PUM1: variants seen among roughly 807,000 people sequenced by gnomAD.
The protein encoded by PUM1 is pumilio RNA binding family member 1.
In PUM1, 13 loss-of-function variants were observed where a neutral mutation model predicts 131.8. That is an observed-to-expected ratio of 0.10 (90% CI 0.06 to 0.16). The LOEUF is 0.16. PUM1 is among the 10% of genes least tolerant of loss of function. The pLI is 1.00. For missense variants in PUM1, 961 were observed against 1,512.4 expected, an observed-to-expected ratio of 0.64 and a Z score of 6.05; for synonymous variants, 509 against 556.5, an observed-to-expected ratio of 0.91 and a Z score of 1.20.
chr1:31,039,966 G>A (rs577333187), intron 2 of PUM1, among the ~76,000 whole-genome samples: 6 of 152,210 alleles, frequency 3.9e-5, no homozygotes, highest in South Asian at 2.1e-4. Context: ...ATCCCTGGGC[G>A]ACAAGAGCGA....
intron 5 of PUM1, among the ~76,000 whole-genome samples, chr1:31,005,262 G>A (rs1429416876): frequency 6.6e-6 from 1 of 152,126 alleles, no homozygotes; most frequent in African/African-American, 2.4e-5. Context: ...GCATCAGAGA[G>A]GTCAGTGATA....
chr1:31,041,833 C>T (rs958834465), intron 2 of PUM1, among the ~76,000 whole-genome samples: 2 of 151,874 alleles, frequency 1.3e-5, no homozygotes, highest in African/African-American at 2.4e-5. Flanking sequence ...TCCTATATTC[C>T]TTTATAGCAA....
intron 5 of PUM1, among the ~76,000 whole-genome samples, chr1:30,998,458 G>A (rs1235652347): frequency 6.6e-6 from 1 of 150,396 alleles, no homozygotes; most frequent in Admixed American, 6.6e-5. Context: ...GCAACACAGA[G>A]GAGACGCCAT....
chr1:30,968,065 T>G, intron 11 of PUM1: 1 of 499,736 alleles, frequency 2.0e-6, no homozygotes, highest in Non-Finnish European at 3.9e-6. Context: ...GGCCACTCCA[T>G]CTATCCCTGA....
chr1:30,992,248 A>G, intron 7 of PUM1, 142 bp downstream of exon 7: 2 of 1,112,756 alleles, frequency 1.8e-6, no homozygotes, highest in South Asian at 1.6e-5. Flanking sequence ...CTGTAAACCT[A>G]CATCACTAAC....
intron 2 of PUM1, among the ~76,000 whole-genome samples, chr1:31,034,794 C>G (rs1447061732): frequency 2.0e-5 from 3 of 152,074 alleles, no homozygotes; most frequent in Non-Finnish European, 4.4e-5. Context: ...TACTTTTGTT[C>G]TCAAGGATTT....
At chr1:30,958,686 T>C (rs1219648480) in intron 14 of PUM1, among the ~76,000 whole-genome samples, 1 of 152,140 alleles carries the variant, frequency 6.6e-6, no homozygotes, top group Non-Finnish European at 1.5e-5. Flanking sequence ...AGATGGGAAG[T>C]AGAATTTACT....
At chr1:31,036,836 TG>T (rs1643627888) in intron 2 of PUM1, 1 of 153,442 alleles carries the variant, frequency 6.5e-6, no homozygotes, top group Non-Finnish European at 1.5e-5. Context: ...TTAATGTGGG[TG>T]GTTCAGCACA....
chr1:30,984,582 G>A (rs917456565), intron 7 of PUM1, among the ~76,000 whole-genome samples: 2 of 152,188 alleles, frequency 1.3e-5, no homozygotes, highest in African/African-American at 4.8e-5. Context: ...GAATGCTGGG[G>A]AAAATGTATC....
At chr1:30,997,617 T>C (rs1343741995) in intron 5 of PUM1, among the ~76,000 whole-genome samples, 2 of 151,974 alleles carry the variant, frequency 1.3e-5, no homozygotes, top group African/African-American at 2.4e-5. Context: ...TGCTCTGCAT[T>C]ATCTTTCCTC....
Position 31,054,093 on chromosome 1 carries a change from C to CCA in PUM1, c.363+5110_363+5111insTG, listed in dbSNP as rs1553153860. On this transcript the variant is annotated intron_variant, in intron 2 of 21. Transcript: ENST00000426105. ...TGGACTACAGAGCAAGACTTTATTT[C>CCA]AAAAAAAAAAAAAAAAAAAAAAAAA... Among the ~76,000 whole-genome samples the CCA allele has an allele frequency of 3.1e-3, 172 of 54,886 alleles. 4 individuals are homozygous for CCA. In the East Asian group the frequency reaches 0.04, roughly 13 times the overall value. 36.0% of individuals were successfully genotyped at this position (54,886 alleles called of 152,430 possible).
chr1:30,984,120 T>G (rs1641459596), intron 7 of PUM1, among the ~76,000 whole-genome samples: 1 of 152,218 alleles, frequency 6.6e-6, no homozygotes, highest in South Asian at 2.1e-4. Context: ...CCATATAGCC[T>G]ATGTTTGAGA....
At chr1:31,021,876 A>C (rs1345769285) in intron 3 of PUM1, among the ~76,000 whole-genome samples, 1 of 151,144 alleles carries the variant, frequency 6.6e-6, no homozygotes, top group Non-Finnish European at 1.5e-5. Context: ...TCAGGATTTG[A>C]GTTATAAGAG....
intron 3 of PUM1, among the ~76,000 whole-genome samples, chr1:31,025,173 G>A (rs950730599): frequency 7.2e-5 from 11 of 152,142 alleles, no homozygotes; most frequent in Non-Finnish European, 7.3e-5. Context: ...ACAGCTTGGA[G>A]AGTGATATTT....
At chr1:31,034,928 C>T (rs1171308061) in intron 2 of PUM1, among the ~76,000 whole-genome samples, 2 of 151,700 alleles carry the variant, frequency 1.3e-5, no homozygotes, top group African/African-American at 2.4e-5. Context: ...AAATGGCAGG[C>T]AAAGAGGAGA....
chr1:30,996,653 T>C (rs898976195), intron 5 of PUM1, among the ~76,000 whole-genome samples: 3 of 152,234 alleles, frequency 2.0e-5, no homozygotes, highest in Non-Finnish European at 2.9e-5. Flanking sequence ...TTGACGGCCA[T>C]TGAGATGTGC....
intron 21 of PUM1, among the ~76,000 whole-genome samples, chr1:30,934,896 G>C (rs892502037): frequency 2.0e-5 from 3 of 152,146 alleles, no homozygotes; most frequent in Admixed American, 1.3e-4. Flanking sequence ...GAAGTGAAAC[G>C]TTAATTACCT....
At chr1:30,962,983 G>A (rs1640479486) in intron 14 of PUM1, among the ~76,000 whole-genome samples, 1 of 152,158 alleles carries the variant, frequency 6.6e-6, no homozygotes, top group African/African-American at 2.4e-5. Flanking sequence ...ATTTGGTAAT[G>A]GACTGGTTCA....
At chr1:30,971,504 GC>G (rs749634347) in intron 10 of PUM1, among the ~76,000 whole-genome samples, 62 of 152,182 alleles carry the variant, frequency 4.1e-4, no homozygotes, top group Non-Finnish European at 3.5e-4. Context: ...ATTTAGAGAA[GC>G]CATCCAACTT....
Sources: gnomAD v4.1 joint callset for allele counts (sites outside exome capture counted in the v4.1 genomes callset) on GRCh38, gnomAD v4.1.1 for gene constraint, MANE v1.5 for transcripts, NCBI Gene and HGNC (gene_info 2026-07-23, HGNC 2026-07-21) for gene names.